Variants in SLC25A12 observed in about 807,000 individuals in gnomAD.
The protein encoded by SLC25A12 is solute carrier family 25 member 12, also known as electrogenic aspartate/glutamate antiporter SLC25A12, mitochondrial.
Under a neutral mutation model 83.3 loss-of-function variants are expected in SLC25A12, and 32 were observed. The observed-to-expected ratio is 0.38, with a 90% CI of 0.29 to 0.52. The LOEUF (loss-of-function observed/expected upper bound fraction) is 0.52, where lower values mean the gene tolerates loss of function less well. SLC25A12 is among the 20% of genes least tolerant of loss of function. The pLI is 0.84. For synonymous variants in SLC25A12, 267 were observed against 291.1 expected (o/e 0.92, Z 0.84); for missense variants, 611 against 835.6 (o/e 0.73, Z 3.31).
intron 4 of SLC25A12, chr2:171,852,744 G>C (rs897654649): frequency 4.5e-6 from 2 of 444,560 alleles, no homozygotes; most frequent in Non-Finnish European, 9.0e-6. Flanking sequence ...CTGTAGTCTT[G>C]AATATGGCTT....
chr2:171,793,704 C>A lies in SLC25A12; in HGVS notation c.1369G>T (p.Ala457Ser). The A allele has an allele frequency of 6.2e-7, 1 of 1,614,150 alleles. No homozygotes were observed. The highest frequency in any genetic ancestry group is 1.3e-5 in the African/African-American group (1 of 75,046). The change falls in exon 14 of 18, where the codon GCT becomes TCT. Residue 457 changes from alanine to serine, a missense_variant. Coordinates refer to ENST00000422440, the MANE Select transcript of SLC25A12 (RefSeq NM_003705.5). Reference protein sequence around the residue: ...LEIVKIRLQVAGEITTGPRVS... With the variant: ...LEIVKIRLQVSGEITTGPRVS... ...CTGGGTCCCGTGGTGATCTCTCCAG[C>A]TACTTGCAGACGAATCTTCACTATC... is the stretch of plus-strand genomic sequence containing the variant.
chr2:171,812,135 C>T (rs935209911), intron 11 of SLC25A12, among the ~76,000 whole-genome samples: 1 of 152,186 alleles, frequency 6.6e-6, no homozygotes, highest in African/African-American at 2.4e-5. Flanking sequence ...CACATTCATT[C>T]TCAAGAGCAG....
At chr2:171,885,088 C>T (rs2105930876) in intron 2 of SLC25A12, among the ~76,000 whole-genome samples, 1 of 150,988 alleles carries the variant, frequency 6.6e-6, no homozygotes, top group South Asian at 2.1e-4. Context: ...TGGCGGGCGC[C>T]TGTAGTCCCA....
chr2:171,856,808 A>G (rs1685056682), intron 3 of SLC25A12: 1 of 152,224 alleles, frequency 6.6e-6, no homozygotes, highest in African/African-American at 2.4e-5. Context: ...GGAAATACCA[A>G]TATAATACAA....
intron 4 of SLC25A12, among the ~76,000 whole-genome samples, chr2:171,851,942 T>C (rs941169476): frequency 6.6e-6 from 1 of 152,198 alleles, no homozygotes; most frequent in East Asian, 1.9e-4. Context: ...GGATCTCCAG[T>C]ACACTTGTGG....
At chr2:171,807,343 A>AG (rs1683854547) in intron 13 of SLC25A12, among the ~76,000 whole-genome samples, 1 of 152,208 alleles carries the variant, frequency 6.6e-6, no homozygotes, top group Non-Finnish European at 1.5e-5. Context: ...ACAACCCTCA[A>AG]GGCAACCCAG....
At position 171,834,841 on chromosome 2, in the gene SLC25A12, G is replaced by C; in HGVS notation, c.637C>G (p.Gln213Glu). The C allele has an allele frequency of 6.2e-7, 1 of 1,613,794 alleles. No individual in the cohort carries two copies. Among genetic ancestry groups the C allele is most frequent in the Non-Finnish European group, 8.5e-7 (1 of 1,179,878 alleles). The change falls in exon 7 of 18, where the codon CAG becomes GAG. Residue 213 changes from glutamine to glutamate, a missense_variant. Transcript: ENST00000422440. ...GCATTGAAGTAGGAGAAGCTAACCT[G>C]GTGTGAGATACTTCCTCCAGCTGCC... Reference protein sequence around the residue: ...VSAAGGSISHQVSFSYFNAFN... With the variant: ...VSAAGGSISHEVSFSYFNAFN...
intron 2 of SLC25A12, among the ~76,000 whole-genome samples, chr2:171,872,923 G>A (rs889934666): frequency 8.5e-5 from 13 of 152,068 alleles, no homozygotes; most frequent in South Asian, 2.1e-4. Flanking sequence ...TAAAGAGAGC[G>A]TATACTAATA....
intron 9 of SLC25A12, among the ~76,000 whole-genome samples, chr2:171,819,134 TTA>T (rs890003383): frequency 7.3e-6 from 1 of 136,408 alleles, no homozygotes; most frequent in Non-Finnish European, 1.5e-5. Context: ...ATAATACATA[TTA>T]TATATAAATA....
At chr2:171,865,374 T>C (rs1685264086) in intron 3 of SLC25A12, among the ~76,000 whole-genome samples, 2 of 152,142 alleles carry the variant, frequency 1.3e-5, no homozygotes, top group Non-Finnish European at 2.9e-5. Context: ...ATACCAATTT[T>C]TAAAGGCTGG....
At chr2:171,849,172 A>T (rs527239507) in intron 4 of SLC25A12, among the ~76,000 whole-genome samples, 39 of 152,334 alleles carry the variant, frequency 2.6e-4, no homozygotes, top group Non-Finnish European at 3.7e-4. Context: ...CCTGGGCGAC[A>T]CAGCAAGACC....
At chr2:171,873,249 C>G (rs1450923724) in intron 2 of SLC25A12, among the ~76,000 whole-genome samples, 1 of 152,006 alleles carries the variant, frequency 6.6e-6, no homozygotes, top group Non-Finnish European at 1.5e-5. Context: ...GAGATCGAGG[C>G]CATCCTGGCT....
intron 13 of SLC25A12, among the ~76,000 whole-genome samples, chr2:171,806,566 A>ACACTTTCACT (rs1683835181): frequency 6.6e-6 from 1 of 152,208 alleles, no homozygotes; most frequent in Admixed American, 6.5e-5. Context: ...TCACTTCATG[A>ACACTTTCACT]TCTAGTCAAC....
At chr2:171,824,269 A>G (rs1178608589) in intron 9 of SLC25A12, among the ~76,000 whole-genome samples, 1 of 152,238 alleles carries the variant, frequency 6.6e-6, no homozygotes, top group East Asian at 1.9e-4. Context: ...TCACAGCAGT[A>G]GCAAAATTAC....
At position 171,785,435 on chromosome 2, in the gene SLC25A12, C is replaced by A. The variant is rs766349225; in HGVS notation, c.1876G>T (p.Ala626Ser). 1 of 1,614,094 alleles carries A rather than the reference C, an allele frequency of 6.2e-7. No homozygotes were observed. The highest frequency in any genetic ancestry group is 1.3e-5 in the African/African-American group (1 of 74,930). Residue 626 changes from alanine to serine, a missense_variant, in exon 18 of 18, where the codon GCA becomes TCA. Physicochemically the swap from Ala to Ser is moderately conservative, Grantham distance 99. Coordinates refer to ENST00000422440, the MANE Select transcript of SLC25A12 (RefSeq NM_003705.5). ...TCAGGGTTGGCAGGAGGAAGGTCTG[C>A]AATGCGTGACTTAGGTGTTGGTTCT... ...GSEPTPKSRI[A>S]DLPPANPDHI... is the part of the protein sequence containing the mutation.
chr2:171,807,453 C>CACATGTCAGACATGGAA (rs756717203), intron 13 of SLC25A12, among the ~76,000 whole-genome samples: 4 of 152,164 alleles, frequency 2.6e-5, no homozygotes, highest in Non-Finnish European at 1.5e-5. Flanking sequence ...CCACTTAGGT[C>CACATGTCAGACATGGAA]ACATGTCAGA....
intron 2 of SLC25A12, among the ~76,000 whole-genome samples, chr2:171,876,503 T>C (rs894744279): frequency 6.3e-5 from 9 of 143,836 alleles, no homozygotes; most frequent in Non-Finnish European, 1.3e-4. Context: ...CCTCAAAAAT[T>C]GGTGATATAT....
intron 13 of SLC25A12, among the ~76,000 whole-genome samples, chr2:171,800,510 G>A (rs1384457918): frequency 2.0e-5 from 3 of 152,104 alleles, no homozygotes; most frequent in Non-Finnish European, 4.4e-5. Flanking sequence ...GGAACAACTG[G>A]AATACTTGTA....
intron 13 of SLC25A12, among the ~76,000 whole-genome samples, chr2:171,794,774 A>G (rs1467249263): frequency 1.3e-5 from 2 of 152,210 alleles, no homozygotes; most frequent in African/African-American, 4.8e-5. Context: ...AATCATAACC[A>G]TACTCATATA....
Sources: gnomAD v4.1 joint callset for allele counts (sites outside exome capture counted in the v4.1 genomes callset) on GRCh38, gnomAD v4.1.1 for gene constraint, MANE v1.5 for transcripts, NCBI Gene and HGNC (gene_info 2026-07-23, HGNC 2026-07-21) for gene names.